Variants in TPRG1 observed in about 807,000 individuals in gnomAD.
TPRG1 encodes tumor protein p63-regulated gene 1 protein.
In TPRG1, 29 loss-of-function variants were observed where a neutral mutation model predicts 29.3. That is an observed-to-expected ratio of 0.99 (90% confidence interval 0.74 to 1.35). The LOEUF (loss-of-function observed/expected upper bound fraction) is 1.35. Among genes scored for constraint, TPRG1 ranks in the 40% most tolerant of loss-of-function variants. The pLI is 0.00. For synonymous variants in TPRG1, 130 were observed against 116.8 expected (o/e 1.11, Z -0.73); for missense variants, 327 against 335.0 (o/e 0.98, Z 0.19).
intron 2 of TPRG1, among the ~76,000 whole-genome samples, chr3:189,212,894 G>A (rs1028294220): frequency 9.2e-5 from 14 of 152,152 alleles, no homozygotes; most frequent in African/African-American, 3.4e-4. Context: ...GAAATGTAAG[G>A]AAACAAACAC....
intron 4 of TPRG1, among the ~76,000 whole-genome samples, chr3:189,304,670 C>T (rs2109284835): frequency 6.6e-6 from 1 of 152,246 alleles, no homozygotes; most frequent in East Asian, 1.9e-4. Flanking sequence ...AATATTTCCT[C>T]TGAGGTCATT....
chr3:189,070,976 G>T, intron 4 of TPRG1, among the ~76,000 whole-genome samples: 1 of 151,800 alleles, frequency 6.6e-6, no homozygotes. Context: ...TTTGTTTCTG[G>T]GTTTAAATAT....
intron 4 of TPRG1, among the ~76,000 whole-genome samples, chr3:189,256,388 GCT>G (rs1312255023): frequency 6.6e-6 from 1 of 151,974 alleles, no homozygotes; most frequent in Non-Finnish European, 1.5e-5. Flanking sequence ...TATGATTTCC[GCT>G]CTTTTGCATT....
At chr3:189,280,736 A>G (rs986468929) in intron 4 of TPRG1, among the ~76,000 whole-genome samples, 13 of 152,232 alleles carry the variant, frequency 8.5e-5, no homozygotes, top group African/African-American at 2.7e-4. Context: ...TACCTGAGGC[A>G]AATTAATTCA....
At chr3:189,136,861 TCTATTAC>T (rs1723805684) in intron 3 of TPRG1, among the ~76,000 whole-genome samples, 1 of 152,180 alleles carries the variant, frequency 6.6e-6, no homozygotes, top group Non-Finnish European at 1.5e-5. Flanking sequence ...CATTTTAATG[TCTATTAC>T]CTTATTTGGT....
At chr3:189,020,909 G>T (rs1100316) in intron 3 of TPRG1, among the ~76,000 whole-genome samples, 24,109 of 35,376 alleles carry the variant, frequency 0.68, 10,001 homozygotes, top group Non-Finnish European at 0.96. Context: ...ATGAATCTGG[G>T]TGCTCCTGTA....
chr3:189,314,531 AT>A (rs141477472), intron 5 of TPRG1, among the ~76,000 whole-genome samples: 1,786 of 152,288 alleles, frequency 0.012, 23 homozygotes, highest in Non-Finnish European at 0.021. Flanking sequence ...TCTGGCAGAT[AT>A]GGTGGTCAAA....
chr3:189,285,072 T>A (rs924821023), intron 4 of TPRG1, among the ~76,000 whole-genome samples: 6 of 152,146 alleles, frequency 3.9e-5, no homozygotes, highest in East Asian at 3.9e-4. Flanking sequence ...GAATCTACAA[T>A]GAACTCAAAC....
At chr3:189,206,808 C>CGTGTGTGTGTGTGTGTGTGTGTGT (rs142505576) in intron 1 of TPRG1, among the ~76,000 whole-genome samples, 3,496 of 147,616 alleles carry the variant, frequency 0.024, 146 homozygotes, top group African/African-American at 0.078. Flanking sequence ...GCTGAACAAC[C>CGTGTGTGTGTGTGTGTGTGTGTGT]GTGTGTGTGT....
At chr3:189,015,076 CA>C (rs1712854682) in intron 3 of TPRG1, among the ~76,000 whole-genome samples, 1 of 152,004 alleles carries the variant, frequency 6.6e-6, no homozygotes, top group South Asian at 2.1e-4. Context: ...TAATTTTGAC[CA>C]AAATGGTAAT....
At chr3:189,079,607 A>G (rs2152167004) in intron 4 of TPRG1, among the ~76,000 whole-genome samples, 1 of 152,352 alleles carries the variant, frequency 6.6e-6, no homozygotes, top group Middle Eastern at 3.4e-3. Context: ...ACACACAAAT[A>G]TGCACACTCA....
intron 3 of TPRG1, among the ~76,000 whole-genome samples, chr3:189,144,033 C>T (rs1460423787): frequency 6.6e-6 from 1 of 152,212 alleles, no homozygotes; most frequent in African/African-American, 2.4e-5. Context: ...ATGACCAGAT[C>T]TGCTTTCTGG....
chr3:189,036,070 C>T (rs1714248288), intron 4 of TPRG1, among the ~76,000 whole-genome samples: 1 of 151,916 alleles, frequency 6.6e-6, no homozygotes, highest in Non-Finnish European at 1.5e-5. Flanking sequence ...TCCATATACA[C>T]CATGGAATAT....
chr3:189,285,171 C>G (rs1447854914), intron 4 of TPRG1, among the ~76,000 whole-genome samples: 1 of 152,100 alleles, frequency 6.6e-6, no homozygotes, highest in African/African-American at 2.4e-5. Context: ...ATTTATGCAG[C>G]CAAAAGACAC....
intron 4 of TPRG1, among the ~76,000 whole-genome samples, chr3:189,147,880 G>A (rs1421423271): frequency 1.3e-5 from 2 of 152,226 alleles, no homozygotes; most frequent in Non-Finnish European, 2.9e-5. Context: ...GTGGATGTGG[G>A]TGGTCGTTCT....
chr3:189,238,538 C>T, intron 3 of TPRG1, 195 bp from the exon 4 acceptor site: 1 of 435,778 alleles, frequency 2.3e-6, no homozygotes, highest in Non-Finnish European at 4.0e-6. Flanking sequence ...TCTCCATCAT[C>T]TTCCACCTTT....
intron 4 of TPRG1, among the ~76,000 whole-genome samples, chr3:189,037,155 C>T (rs1273301831): frequency 2.0e-5 from 3 of 150,628 alleles, no homozygotes; most frequent in Admixed American, 6.6e-5. Flanking sequence ...ACTCATGAAA[C>T]AGTAATTATT....
At chr3:189,279,870 T>C (rs1429037302) in intron 4 of TPRG1, among the ~76,000 whole-genome samples, 2 of 152,180 alleles carry the variant, frequency 1.3e-5, no homozygotes, top group Middle Eastern at 3.2e-3. Context: ...TCTAATAAGA[T>C]GTTTATGAAA....
At chr3:189,064,889 A>C (rs1716336618) in intron 4 of TPRG1, among the ~76,000 whole-genome samples, 1 of 152,178 alleles carries the variant, frequency 6.6e-6, no homozygotes, top group African/African-American at 2.4e-5. Context: ...TTAAAAACTA[A>C]TAATTAAGAA....
Sources: gnomAD v4.1 joint callset for allele counts (sites outside exome capture counted in the v4.1 genomes callset) on GRCh38, gnomAD v4.1.1 for gene constraint, MANE v1.5 for transcripts, NCBI Gene and HGNC (gene_info 2026-07-23, HGNC 2026-07-21) for gene names.